The following SLC17A9 variants were observed in gnomAD, a reference collection of about 807,000 sequenced individuals.
SLC17A9 encodes the protein voltage-gated purine nucleotide uniporter SLC17A9.
In SLC17A9, 49 loss-of-function variants were observed where a neutral mutation model predicts 55.0. That is an observed-to-expected ratio of 0.89 (90% CI 0.71 to 1.13). The LOEUF (loss-of-function observed/expected upper bound fraction) is 1.13. SLC17A9 is among the 50% of genes most tolerant of loss of function. The pLI, the probability that SLC17A9 is intolerant of heterozygous loss-of-function variation, is 0.00. For synonymous variants in SLC17A9, 256 were observed against 247.4 expected (o/e 1.03, Z -0.32); for missense variants, 526 against 569.3 (o/e 0.92, Z 0.77).
At chr20:62,954,542 C>G (rs1213994465) in intron 1 of SLC17A9, among the ~76,000 whole-genome samples, 1 of 152,236 alleles carries the variant, frequency 6.6e-6, no homozygotes, top group Non-Finnish European at 1.5e-5. Flanking sequence ...TTCAAGCTGC[C>G]CAAAGCTTTC....
At chr20:62,953,056 G>C (rs2065504577) in intron 1 of SLC17A9, 167 bp downstream of exon 1, 1 of 1,192,488 alleles carries the variant, frequency 8.4e-7, no homozygotes, top group Non-Finnish European at 1.2e-6. Context: ...GGAAGGAAGT[G>C]AGTGCCCTGT....
At position 62,962,613 on chromosome 20, in the gene SLC17A9, T is replaced by C. The variant is rs1356290122; in HGVS notation, c.498-11T>C. The C allele has an allele frequency of 6.2e-7, 1 of 1,613,128 alleles. No individual in the cohort carries two copies. Among genetic ancestry groups the C allele is most frequent in the Admixed American group, 1.7e-5 (1 of 59,912 alleles). On this transcript the variant is annotated splice_polypyrimidine_tract_variant and intron_variant, in intron 4 of 12. Coordinates refer to ENST00000370351, the MANE Select transcript of SLC17A9 (RefSeq NM_022082.4). This position sits in a 1 kb window ranked among gnomAD's most constrained non-coding sequence, Gnocchi z 5.5. ...CTGAGGGGCCTGGCCACACTCCCCC[T>C]GTCTTTGCAGGACGCTGCTGACCGG...
chr20:62,958,211 T>C lies in SLC17A9; in HGVS notation c.397+631T>C, dbSNP rs1288661819. On this transcript the variant is annotated intron_variant, in intron 3 of 12. Coordinates refer to ENST00000370351, the MANE Select transcript of SLC17A9 (RefSeq NM_022082.4). This position sits in a 1 kb window ranked among gnomAD's most constrained non-coding sequence, Gnocchi z 4.1. ...CCTTCTGTAGGTGCACACTCTGCAG[T>C]GATACACAGGATCACAGGGGGCACC... Among the ~76,000 whole-genome samples, 1 of 152,102 alleles carries C rather than the reference T, an allele frequency of 6.6e-6. No homozygotes were observed. The highest frequency in any genetic ancestry group is 2.4e-5 in the African/African-American group (1 of 41,418).
In SLC17A9 at chr20:62,963,309, G is replaced by C; in HGVS notation, c.665G>C (p.Arg222Pro). Residue 222 changes from arginine to proline, a missense_variant, in exon 6 of 13, where the codon CGG (arginine) becomes CCG (proline). By Grantham distance (103) the Arg-to-Pro change is moderately radical. Coordinates refer to ENST00000370351, the MANE Select transcript of SLC17A9 (RefSeq NM_022082.4). ...ILALGVLAQSRPVSRHNRVPW... is the reference protein window; with the variant it reads ...ILALGVLAQSPPVSRHNRVPW... ...GCCTTGGGTGTCCTGGCCCAAAGCC[G>C]GCCGGTGTCCAGGCACAACAGAGTC... 4 of 1,613,844 alleles carry C rather than the reference G, an allele frequency of 2.5e-6. No individual in the cohort carries two copies. Among genetic ancestry groups the C allele is most frequent in the Non-Finnish European group, 3.4e-6 (4 of 1,180,030 alleles).
intron 12 of SLC17A9, chr20:62,967,071 G>C (rs959410032): frequency 1.7e-6 from 1 of 578,900 alleles, no homozygotes; most frequent in African/African-American, 1.9e-5. Flanking sequence ...CCGGCCTGTG[G>C]CTCCCATTTT....
intron 3 of SLC17A9, 93 bp downstream of exon 3, chr20:62,957,673 G>A: frequency 8.8e-7 from 1 of 1,136,052 alleles, no homozygotes; most frequent in Non-Finnish European, 1.2e-6. Flanking sequence ...GTGCATGCGT[G>A]CATGCAGGTG....
Position 62,952,751 on chromosome 20 carries a change from C to T in SLC17A9, c.-80C>T. 7.0e-7 allele frequency: 1 copy of T among 1,438,844 alleles called. No individual in the cohort carries two copies. Among genetic ancestry groups the T allele is most frequent in the Non-Finnish European group, 9.3e-7 (1 of 1,075,228 alleles). The allele number at this position is 1,438,844 out of a possible 1,614,324, so 89.1% of individuals were successfully genotyped here. Reference sequence around the variant, plus strand: ...GACTGACACGTGGACTTGGGCGGTGCTGCCCGGGTGGGTCAGCCTGGGCTG... The same window carrying T: ...GACTGACACGTGGACTTGGGCGGTGTTGCCCGGGTGGGTCAGCCTGGGCTG... On this transcript the variant is annotated 5_prime_UTR_variant, in exon 1 of 13. Transcript: ENST00000370351.
chr20:62,956,827 G>A lies in SLC17A9; in HGVS notation c.122G>A (p.Arg41His), dbSNP rs1406083767. The change falls in exon 2 of 13, where the codon CGC becomes CAC. Residue 41 changes from arginine (R) to histidine (H), a missense_variant. Physicochemically the swap from Arg to His is conservative, Grantham distance 29. Transcript: ENST00000370351. ...LLGTCLLYCARSSMPICTVSM... is the reference protein window; with the variant it reads ...LLGTCLLYCAHSSMPICTVSM... ...GGCACATGCCTTCTGTACTGCGCCC[G>A]CTCCAGCATGCCCATCTGCACCGTC... is the stretch of plus-strand genomic sequence containing the variant. The A allele has an allele frequency of 5.0e-6, 8 of 1,613,040 alleles. No individual in the cohort carries two copies. The East Asian group carries it at 8.9e-5, about 18-fold the overall frequency.
chr20:62,960,623 G>T lies in SLC17A9; in HGVS notation c.497+20G>T. On this transcript the variant is annotated intron_variant, in intron 4 of 12. Transcript: ENST00000370351. ...GTTTGGGTAAGTCCTGGCCTAAGAC[G>T]GGGCCCAGGAGAGGCCACCAGGTGA... The T allele has an allele frequency of 6.2e-7, 1 of 1,601,372 alleles. No individual in the cohort carries two copies. The highest frequency in any genetic ancestry group is 1.1e-5 in the South Asian group (1 of 89,176).
chr20:62,966,351 C>T (rs1056721999), intron 10 of SLC17A9, among the ~76,000 whole-genome samples, 174 bp from the exon 11 acceptor site: 3 of 151,232 alleles, frequency 2.0e-5, no homozygotes, highest in Non-Finnish European at 4.4e-5. Flanking sequence ...GGTTGGGGCT[C>T]GGGTTGGCGT....
chr20:62,966,498 A>G (rs768729599), intron 10 of SLC17A9, 27 bp from the exon 11 acceptor site: 4 of 1,611,880 alleles, frequency 2.5e-6, no homozygotes, highest in South Asian at 1.1e-5. Context: ...GGCCAGGGCC[A>G]CTCACCACCC....
rs1332315580 is a variant in SLC17A9 at position 62,958,655 on chromosome 20, A to AT, written c.397+1076dup. On this transcript the variant is annotated intron_variant, in intron 3 of 12. Transcript: ENST00000370351. The surrounding 1 kb of genome is among the most constrained non-coding windows in gnomAD (Gnocchi z 4.1). The stretch of plus-strand genomic sequence containing the variant: ...CGGCATCAGGTTCAGAGCGCTGGCC[A>AT]TGGCTCCCCTAGAACCTCTGCCCTC... Among the ~76,000 whole-genome samples the AT allele has an allele frequency of 6.6e-6, 1 of 151,980 alleles. No homozygotes were observed. Among genetic ancestry groups the AT allele is most frequent in the Non-Finnish European group, 1.5e-5 (1 of 67,944 alleles).
At chr20:62,964,890 C>T (rs2065621255) in intron 8 of SLC17A9, 1 of 554,410 alleles carries the variant, frequency 1.8e-6, no homozygotes, top group African/African-American at 1.9e-5. Flanking sequence ...TGCTGTGTGG[C>T]TGTTCTGTGT....
rs1297298605 is a variant in SLC17A9 at position 62,960,506 on chromosome 20, G to T, written c.400G>T (p.Val134Phe). The T allele has an allele frequency of 1.2e-6, 2 of 1,612,424 alleles. No homozygotes were observed. The highest frequency in any genetic ancestry group is 1.1e-5 in the South Asian group (1 of 90,720). The change falls in exon 4 of 13, where the codon GTT becomes TTT. Residue 134 changes from valine to phenylalanine, a missense_variant and splice_region_variant. Transcript: ENST00000370351. ...GACCCTCCCTCCACTTGTTGCAGGG[G>T]TTTACTTCCCTGCCCTGACCAGCCT... ...SRILMGLLQGVYFPALTSLLS... is the reference protein window; with the variant it reads ...SRILMGLLQGFYFPALTSLLS...
chr20:62,962,755 G>A lies in SLC17A9; in HGVS notation c.628+1G>A. Reference sequence around the variant, plus strand: ...TACAGGTACCTGCTGAGTGAAAAAGGTAACGCAGGCCGGGCGGGCTAGTCC... The same window carrying A: ...TACAGGTACCTGCTGAGTGAAAAAGATAACGCAGGCCGGGCGGGCTAGTCC... On this transcript the variant is annotated splice_donor_variant, in intron 5 of 12. Transcript: ENST00000370351. LOFTEE classifies it high-confidence loss of function. The surrounding 1 kb of genome is among the most constrained non-coding windows in gnomAD (Gnocchi z 5.5). 2.5e-6 allele frequency: 4 copies of A among 1,613,722 alleles called. No individual in the cohort carries two copies. The highest frequency in any genetic ancestry group is 3.4e-6 in the Non-Finnish European group (4 of 1,179,768).
At chr20:62,956,590 G>C (rs2065538400) in intron 1 of SLC17A9, among the ~76,000 whole-genome samples, 175 bp from the exon 2 acceptor site, 1 of 152,178 alleles carries the variant, frequency 6.6e-6, no homozygotes, top group African/African-American at 2.4e-5. Flanking sequence ...TGTTCTCCCA[G>C]GGGTCAGCAG....
chr20:62,965,527 G>A (rs2065628709), intron 9 of SLC17A9, 83 bp from the exon 10 acceptor site: 2 of 1,313,566 alleles, frequency 1.5e-6, no homozygotes, highest in Non-Finnish European at 2.2e-6. Flanking sequence ...GCGCCCAGGG[G>A]GGCTTTCGGG....
Position 62,962,772 on chromosome 20 carries a change from G to A in SLC17A9, c.628+18G>A. The A allele has an allele frequency of 1.9e-6, 3 of 1,612,472 alleles. No homozygotes were observed. The highest frequency in any genetic ancestry group is 2.5e-6 in the Non-Finnish European group (3 of 1,179,032). Reference sequence around the variant, plus strand: ...TGAAAAAGGTAACGCAGGCCGGGCGGGCTAGTCCCGGGCGCCCACAGCTGC... The same window carrying A: ...TGAAAAAGGTAACGCAGGCCGGGCGAGCTAGTCCCGGGCGCCCACAGCTGC... On this transcript the variant is annotated intron_variant, in intron 5 of 12. Transcript: ENST00000370351. This position sits in a 1 kb window ranked among gnomAD's most constrained non-coding sequence, Gnocchi z 5.5.
intron 8 of SLC17A9, 34 bp downstream of exon 8, chr20:62,964,349 C>T (rs1253295029): frequency 5.0e-6 from 8 of 1,605,958 alleles, no homozygotes; most frequent in Non-Finnish European, 6.8e-6. Context: ...GGCTGGAAGC[C>T]ACACCCTGGT....
Sources: gnomAD v4.1 joint callset for allele counts (sites outside exome capture counted in the v4.1 genomes callset) on GRCh38, gnomAD v4.1.1 for gene constraint, Gnocchi (gnomAD v3.1) non-coding constraint, MANE v1.5 for transcripts, NCBI Gene and HGNC (gene_info 2026-07-23, HGNC 2026-07-21) for gene names.